Variants in PRMT7 observed in about 807,000 individuals in gnomAD.
The protein encoded by PRMT7 is protein arginine N-methyltransferase 7.
A neutral mutation model predicts 85.4 loss-of-function variants in PRMT7; 75 were observed. The observed-to-expected ratio is 0.88, with a 90% confidence interval of 0.73 to 1.06. The LOEUF (loss-of-function observed/expected upper bound fraction) is 1.06, where lower values mean the gene tolerates loss of function less well. Ranked by LOEUF, PRMT7 falls within the 50% of genes least tolerant of loss-of-function variation. The pLI, the probability that PRMT7 is intolerant of heterozygous loss-of-function variation, is 0.00. For synonymous variants in PRMT7, 397 were observed against 359.5 expected (o/e 1.10, Z -1.18); for missense variants, 868 against 915.2 (o/e 0.95, Z 0.67).
At chr16:68,330,483 T>C (rs2083712191) in intron 6 of PRMT7, among the ~76,000 whole-genome samples, 1 of 152,168 alleles carries the variant, frequency 6.6e-6, no homozygotes, top group Non-Finnish European at 1.5e-5. Flanking sequence ...TTTTGGAGAA[T>C]GCAGTATCAT....
intron 6 of PRMT7, among the ~76,000 whole-genome samples, chr16:68,330,543 A>AT (rs985350137): frequency 9.3e-5 from 14 of 151,106 alleles, no homozygotes; most frequent in Non-Finnish European, 4.4e-5. Flanking sequence ...CCATTTAACA[A>AT]TTTTTTTTTA....
In PRMT7 at chr16:68,347,387, T is replaced by C. The variant is rs113543203; in HGVS notation, c.1275+93T>C. 1.6e-5 allele frequency: 21 copies of C among 1,305,872 alleles called. No individual in the cohort carries two copies. In the African/African-American group the frequency reaches 1.6e-4, roughly 10 times the overall value. 80.9% of individuals were successfully genotyped at this position (1,305,872 alleles called of 1,614,324 possible). On this transcript the variant is annotated intron_variant, in intron 12 of 18. Transcript: ENST00000441236. ...TGCACAATTCTGTGATCAAGGCTCT[T>C]TGCAAAGGCCACTGTTGTGGGCACA... is the stretch of plus-strand genomic sequence containing the variant.
chr16:68,338,268 C>T (rs960427448), intron 7 of PRMT7, among the ~76,000 whole-genome samples: 18 of 152,026 alleles, frequency 1.2e-4, no homozygotes, highest in Admixed American at 6.6e-4. Flanking sequence ...GATAGGTGGT[C>T]CCAGGAGTTG....
intron 7 of PRMT7, among the ~76,000 whole-genome samples, chr16:68,337,973 G>A (rs927676181): frequency 1.3e-5 from 2 of 152,136 alleles, no homozygotes; most frequent in Non-Finnish European, 2.9e-5. Flanking sequence ...ATTTTGTGCT[G>A]TGTGGGAGGC....
At chr16:68,348,560 A>C (rs910700658) in intron 14 of PRMT7, 129 bp downstream of exon 14, 4 of 501,520 alleles carry the variant, frequency 8.0e-6, no homozygotes, top group Admixed American at 4.0e-5. Context: ...CTTACCTCCT[A>C]CGAGCTCCCA....
intron 6 of PRMT7, among the ~76,000 whole-genome samples, chr16:68,335,893 C>G (rs1462371799): frequency 6.6e-6 from 1 of 151,882 alleles, no homozygotes; most frequent in Non-Finnish European, 1.5e-5. Flanking sequence ...TCTCCTGCCT[C>G]AGCCTCTCAA....
intron 2 of PRMT7, among the ~76,000 whole-genome samples, chr16:68,313,889 C>G (rs552398453): frequency 7.8e-4 from 118 of 152,228 alleles, no homozygotes; most frequent in African/African-American, 2.7e-3. Flanking sequence ...GTGTAATGAT[C>G]ATGCCTGTGA....
chr16:68,322,734 A>G (rs1022840666), intron 4 of PRMT7, among the ~76,000 whole-genome samples: 1 of 151,978 alleles, frequency 6.6e-6, no homozygotes, highest in Non-Finnish European at 1.5e-5. Flanking sequence ...TTTTAACTTA[A>G]AAAATAAATA....
rs756632235 is a variant in PRMT7 at position 68,339,956 on chromosome 16, A to G, written c.915A>G (p.Pro305=). ...TMAPFWAHSD[P]EEMQWRDHWM... ...CCCCCTTCTGGGCACACTCAGACCCAGAGGAGATGCAGGTAAGAGGCAGGA... is the reference window on the plus strand; with the variant it reads ...CCCCCTTCTGGGCACACTCAGACCCGGAGGAGATGCAGGTAAGAGGCAGGA... Residue 305 remains proline, a synonymous_variant, in exon 9 of 19, where the codon CCA becomes CCG. Transcript: ENST00000441236. 1.9e-6 allele frequency: 3 copies of G among 1,609,876 alleles called. No homozygotes were observed. The highest frequency in any genetic ancestry group is 2.5e-6 in the Non-Finnish European group (3 of 1,178,190).
intron 3 of PRMT7, among the ~76,000 whole-genome samples, chr16:68,319,810 GT>G: frequency 6.6e-6 from 1 of 151,798 alleles, no homozygotes; most frequent in East Asian, 2.0e-4. Flanking sequence ...GAGGGCCTCT[GT>G]TTTAATGTGA....
At position 68,312,406 on chromosome 16, in the gene PRMT7, T is replaced by A. The variant is rs147636718; in HGVS notation, c.-84+230T>A. Among the ~76,000 whole-genome samples, 1,055 of 151,916 alleles carry A rather than the reference T, an allele frequency of 6.9e-3. 8 individuals carry two copies. Among genetic ancestry groups the A allele is most frequent in the African/African-American group, 0.022 (913 of 41,414 alleles). ...GGCCACCGCGCCCGGCTAATTTTTT[T>A]AAAAATTTTTTGTAGAGAACGGGGT... On this transcript the variant is annotated intron_variant, in intron 2 of 18. Transcript: ENST00000441236.
intron 11 of PRMT7, 64 bp from the exon 12 acceptor site, chr16:68,347,147 T>G: frequency 6.8e-7 from 1 of 1,463,604 alleles, no homozygotes; most frequent in Non-Finnish European, 9.3e-7. Flanking sequence ...TCTGACAGCT[T>G]GCCAGCAGGA....
At chr16:68,328,559 C>A (rs1308719453) in intron 5 of PRMT7, 3 of 156,794 alleles carry the variant, frequency 1.9e-5, no homozygotes, top group Non-Finnish European at 4.2e-5. Flanking sequence ...TCAGTACTGT[C>A]TGAGGTTTCA....
chr16:68,318,179 G>A (rs2082089159), intron 3 of PRMT7, among the ~76,000 whole-genome samples: 1 of 149,704 alleles, frequency 6.7e-6, no homozygotes, highest in South Asian at 2.1e-4. Flanking sequence ...TGCAGAATTA[G>A]GGCTTAAAAT....
chr16:68,349,814 G>A (rs1281594207), intron 14 of PRMT7, among the ~76,000 whole-genome samples: 1 of 152,190 alleles, frequency 6.6e-6, no homozygotes, highest in Non-Finnish European at 1.5e-5. Flanking sequence ...AGGATCGCCT[G>A]AGCCCAGGAG....
At chr16:68,327,870 G>A (rs191313592) in intron 5 of PRMT7, among the ~76,000 whole-genome samples, 97 of 151,028 alleles carry the variant, frequency 6.4e-4, no homozygotes, top group Non-Finnish European at 1.3e-3. Context: ...CCTGGGAGGT[G>A]GAAGCTGCAG....
intron 3 of PRMT7, among the ~76,000 whole-genome samples, chr16:68,319,705 A>AGTGTGTGTGT (rs1567638319): frequency 3.9e-5 from 2 of 50,750 alleles, no homozygotes; most frequent in Non-Finnish European, 3.8e-5. Context: ...TCTCAATAAG[A>AGTGTGTGTGT]GTGAGAGTGT....
In PRMT7 at chr16:68,316,183, G is replaced by C. The variant is rs142172825; in HGVS notation, c.95+109G>C. The C allele has an allele frequency of 9.1e-5, 86 of 946,756 alleles. No individual in the cohort carries two copies. The African/African-American group carries it at 1.2e-3, about 13-fold the overall frequency. The allele number at this position is 946,756 out of a possible 1,614,324, so 58.6% of individuals were successfully genotyped here. ...GGCTAGGCTGTCACCCAGTGCTTAT[G>C]ATGAGGGCTGGTGTTGGTCCTGAGC... On this transcript the variant is annotated intron_variant, in intron 3 of 18. Transcript: ENST00000441236.
intron 5 of PRMT7, 116 bp downstream of exon 5, chr16:68,324,948 A>G: frequency 3.7e-6 from 5 of 1,337,118 alleles, no homozygotes; most frequent in Non-Finnish European, 4.1e-6. Flanking sequence ...CTCTGTGCCA[A>G]GCACAGAGCC....
Sources: allele counts gnomAD v4.1 joint callset (sites outside exome capture counted in the v4.1 genomes callset), GRCh38; gene constraint gnomAD v4.1.1; transcripts MANE v1.5; gene names NCBI Gene and HGNC (gene_info 2026-07-23, HGNC 2026-07-21).